COMMD1: variants seen among roughly 807,000 people sequenced by gnomAD.
The protein encoded by COMMD1 is COMM domain-containing protein 1.
A neutral mutation model predicts 17.2 loss-of-function variants in COMMD1; 10 were observed. That is an observed-to-expected ratio of 0.58 (90% CI 0.36 to 0.99). The LOEUF (loss-of-function observed/expected upper bound fraction) is 0.99, where lower values mean the gene tolerates loss of function less well. COMMD1 is among the 50% of genes least tolerant of loss of function. The probability of loss-of-function intolerance (pLI) is 0.01; values close to 1 mark genes in which losing one functional copy is unlikely to be tolerated. For synonymous variants in COMMD1, 97 were observed against 91.6 expected (o/e 1.06, Z -0.34); for missense variants, 270 against 231.8 (o/e 1.17, Z -1.07).
intron 1 of COMMD1, among the ~76,000 whole-genome samples, chr2:61,917,214 G>A (rs115814750): frequency 0.018 from 2,719 of 152,060 alleles, 50 homozygotes; most frequent in African/African-American, 0.041. Flanking sequence ...AAAATTAGCC[G>A]GGTATGGTAG....
chr2:62,121,504 A>T (rs188902734), intron 2 of COMMD1, among the ~76,000 whole-genome samples: 2 of 148,922 alleles, frequency 1.3e-5, no homozygotes, highest in African/African-American at 4.9e-5. Flanking sequence ...TTTGGAGGCC[A>T]AGGTGGGTGG....
chr2:61,931,417 A>T (rs1333228581), intron 1 of COMMD1, among the ~76,000 whole-genome samples: 2 of 152,232 alleles, frequency 1.3e-5, no homozygotes, highest in East Asian at 3.9e-4. Context: ...AGTCCTTTGG[A>T]TGCTGATCAC....
chr2:61,984,667 G>T (rs1335453833), intron 1 of COMMD1, among the ~76,000 whole-genome samples: 3 of 152,272 alleles, frequency 2.0e-5, no homozygotes. Flanking sequence ...AAGTCTATTA[G>T]GTCCATTTGG....
At chr2:62,117,464 T>C (rs775971953) in intron 2 of COMMD1, among the ~76,000 whole-genome samples, 10 of 152,228 alleles carry the variant, frequency 6.6e-5, no homozygotes, top group Non-Finnish European at 1.3e-4. Context: ...TGAGTCAGGA[T>C]TGTGAAACAG....
intron 1 of COMMD1, among the ~76,000 whole-genome samples, chr2:61,970,499 C>T (rs1348664118): frequency 1.3e-5 from 2 of 151,922 alleles, no homozygotes; most frequent in South Asian, 4.1e-4. Context: ...ACTTATAATA[C>T]GTAAAACAAC....
At chr2:62,105,197 T>C (rs2104030048) in intron 2 of COMMD1, among the ~76,000 whole-genome samples, 1 of 151,494 alleles carries the variant, frequency 6.6e-6, no homozygotes, top group East Asian at 1.9e-4. Context: ...TATAAACAAA[T>C]GCTAAGAAAA....
chr2:61,990,184 C>G (rs955553188), intron 1 of COMMD1, among the ~76,000 whole-genome samples: 17 of 152,068 alleles, frequency 1.1e-4, no homozygotes, highest in African/African-American at 4.1e-4. Context: ...GTAGGAAGAA[C>G]AAATGATTGG....
chr2:62,023,617 G>A (rs1293373904), intron 2 of COMMD1, among the ~76,000 whole-genome samples: 2 of 152,032 alleles, frequency 1.3e-5, no homozygotes, highest in South Asian at 2.1e-4. Flanking sequence ...CTGAGTAGCT[G>A]GGAGTACAGG....
At chr2:61,924,695 G>T (rs189346107) in intron 1 of COMMD1, among the ~76,000 whole-genome samples, 1 of 152,158 alleles carries the variant, frequency 6.6e-6, no homozygotes, top group East Asian at 1.9e-4. Context: ...GTAAAGTCCC[G>T]TTTCAGGCTA....
chr2:61,936,231 A>G (rs1056705877), intron 1 of COMMD1, among the ~76,000 whole-genome samples: 13 of 152,172 alleles, frequency 8.5e-5, no homozygotes, highest in Non-Finnish European at 1.6e-4. Context: ...GTCCAGTGGT[A>G]TGATTTCAAA....
chr2:61,888,407 C>T (rs1299671692), upstream of COMMD1: 1 of 1,612,960 alleles, frequency 6.2e-7, no homozygotes, highest in Non-Finnish European at 8.5e-7. Flanking sequence ...GTTGCTGAAG[C>T]GGATCTGGGC....
At chr2:62,126,469 CTGGCATGAGATGTTA>C (rs1558610420) in intron 2 of COMMD1, among the ~76,000 whole-genome samples, 1 of 152,180 alleles carries the variant, frequency 6.6e-6, no homozygotes, top group African/African-American at 2.4e-5. Context: ...GCCATTCTGA[CTGGCATGAGATGTTA>C]TCTCATTGTG....
At chr2:61,992,723 C>T (rs902523874) in intron 1 of COMMD1, among the ~76,000 whole-genome samples, 3 of 152,186 alleles carry the variant, frequency 2.0e-5, no homozygotes, top group Non-Finnish European at 4.4e-5. Flanking sequence ...AATGTAGCCT[C>T]CACCATTTCT....
chr2:61,946,029 C>G (rs1364303888), intron 1 of COMMD1, among the ~76,000 whole-genome samples: 3 of 152,160 alleles, frequency 2.0e-5, no homozygotes, highest in Non-Finnish European at 4.4e-5. Flanking sequence ...ATGGCCTGAA[C>G]CAGTCTTCCT....
chr2:62,036,865 C>A (rs1011311016), intron 2 of COMMD1, among the ~76,000 whole-genome samples: 6 of 152,258 alleles, frequency 3.9e-5, no homozygotes, highest in Admixed American at 3.9e-4. Flanking sequence ...TGCTCATACT[C>A]TTGTGGTAGG....
chr2:62,029,199 A>T (rs1045417709), intron 2 of COMMD1, among the ~76,000 whole-genome samples: 2 of 152,156 alleles, frequency 1.3e-5, no homozygotes, highest in African/African-American at 4.8e-5. Flanking sequence ...TTTAAATTAG[A>T]TATCCAAATC....
At chr2:62,134,655 G>A (rs1673138068) in intron 2 of COMMD1, among the ~76,000 whole-genome samples, 1 of 151,314 alleles carries the variant, frequency 6.6e-6, no homozygotes, top group South Asian at 2.1e-4. Flanking sequence ...TTGCATACCT[G>A]TAGTCCTAGC....
chr2:61,944,602 C>T (rs139298215), intron 1 of COMMD1, among the ~76,000 whole-genome samples: 2 of 152,332 alleles, frequency 1.3e-5, no homozygotes, highest in East Asian at 3.9e-4. Context: ...TTGTAGCTCT[C>T]ATCTGCCATT....
intron 1 of COMMD1, among the ~76,000 whole-genome samples, chr2:61,891,998 G>GT (rs1382934698): frequency 6.0e-5 from 9 of 151,044 alleles, no homozygotes; most frequent in South Asian, 4.2e-4. Flanking sequence ...AGCCCGGCTA[G>GT]TTTTTTGTAT....
Sources: allele counts gnomAD v4.1 joint callset (sites outside exome capture counted in the v4.1 genomes callset), GRCh38; gene constraint gnomAD v4.1.1; transcripts MANE v1.5; gene names NCBI Gene and HGNC (gene_info 2026-07-23, HGNC 2026-07-21).